Variants in GRB10 observed in about 807,000 individuals in gnomAD.
GRB10 encodes growth factor receptor bound protein 10.
In GRB10, 20 loss-of-function variants were observed where a neutral mutation model predicts 80.9. The observed-to-expected ratio is 0.25, with a 90% CI of 0.17 to 0.36. The LOEUF (loss-of-function observed/expected upper bound fraction) is 0.36. Ranked by LOEUF, GRB10 falls within the 10% of genes least tolerant of loss-of-function variation. GRB10 has a pLI of 1.00. For synonymous variants in GRB10, 291 were observed against 291.5 expected (o/e 1.00, Z 0.02); for missense variants, 548 against 747.7 (o/e 0.73, Z 3.12).
At chr7:50,673,083 A>C (rs987340591) in intron 6 of GRB10, among the ~76,000 whole-genome samples, 18 of 152,236 alleles carry the variant, frequency 1.2e-4, no homozygotes, top group Admixed American at 3.9e-4. Context: ...GGGCTGCGGA[A>C]GACCCAAGAT....
chr7:50,769,376 G>A (rs1232590265), intron 2 of GRB10, among the ~76,000 whole-genome samples: 2 of 152,152 alleles, frequency 1.3e-5, no homozygotes, highest in Non-Finnish European at 2.9e-5. Flanking sequence ...TTCCCAGGAG[G>A]AAAGAGAGTC....
At chr7:50,660,515 G>A (rs1226751639) in intron 7 of GRB10, among the ~76,000 whole-genome samples, 1 of 152,144 alleles carries the variant, frequency 6.6e-6, no homozygotes, top group Non-Finnish European at 1.5e-5. Flanking sequence ...GGAAATGGAA[G>A]TTTCCAGAGA....
rs2052999164 is a variant in GRB10, at chr7:50,626,828, C to T, written c.655G>A (p.Gly219Arg). The change falls in exon 8 of 19, where the codon GGA (glycine) becomes AGA (arginine). Residue 219 changes from glycine (G) to arginine (R), a missense_variant. Physicochemically the swap from Gly to Arg is moderately radical, Grantham distance 125. Coordinates refer to ENST00000401949, the MANE Select transcript of GRB10 (RefSeq NM_001350814.2). The part of the protein sequence containing the change: ...WTLVEHHPHL[G>R]LERCLEDHEL... ...TGTTCTGATGGTTCCCTACCTAATC[C>T]TAGGTGCGGGTGGTGCTCCACTAGT... 2 of 1,614,064 alleles carry T rather than the reference C, an allele frequency of 1.2e-6. No homozygotes were observed. The highest frequency in any genetic ancestry group is 1.7e-6 in the Non-Finnish European group (2 of 1,180,054).
At chr7:50,619,144 C>A in intron 9 of GRB10, 26 bp downstream of exon 9, 1 of 1,375,564 alleles carries the variant, frequency 7.3e-7, no homozygotes, top group Non-Finnish European at 1.0e-6. Context: ...AGTCCCAAAC[C>A]CCAAACCTGA....
rs1366239078 is a variant in GRB10 at position 50,614,702 on chromosome 7, C to A, written c.1095+68G>T. 7 of 938,726 alleles carry A rather than the reference C, an allele frequency of 7.5e-6. No individual in the cohort carries two copies. In the South Asian group the frequency reaches 7.7e-5, roughly 10 times the overall value. 58.1% of individuals were successfully genotyped at this position (938,726 alleles called of 1,614,324 possible). A position where few individuals can be genotyped will look rare whatever the true frequency, so the allele number is the denominator to read the frequency against. ...ATAGAAGCAACAATCAAGTGCTGGG[C>A]AAGAGAAGAAGTCAGTCTCCTGTGG... On this transcript the variant is annotated intron_variant, in intron 12 of 18. Transcript: ENST00000401949.
At chr7:50,602,219 A>G (rs1244222569) in intron 17 of GRB10, among the ~76,000 whole-genome samples, 2 of 152,242 alleles carry the variant, frequency 1.3e-5, no homozygotes, top group African/African-American at 4.8e-5. Flanking sequence ...ATAGGAAGGA[A>G]TTAGAAAATG....
chr7:50,781,596 G>C (rs1351664773), intron 1 of GRB10: 2 of 152,300 alleles, frequency 1.3e-5, no homozygotes, highest in African/African-American at 4.8e-5. Context: ...TGCGGGTTTA[G>C]ACTGCAGTCT....
intron 1 of GRB10, among the ~76,000 whole-genome samples, chr7:50,791,110 C>T (rs1242586824): frequency 2.0e-5 from 3 of 152,188 alleles, no homozygotes; most frequent in Admixed American, 2.0e-4. Flanking sequence ...AGTGGGCCAA[C>T]GCTGCCCCAA....
At chr7:50,624,807 C>T (rs1333044175) in intron 8 of GRB10, among the ~76,000 whole-genome samples, 3 of 151,732 alleles carry the variant, frequency 2.0e-5, no homozygotes, top group Non-Finnish European at 2.9e-5. Flanking sequence ...GTGTGAGGTT[C>T]GTTATTTTTT....
At chr7:50,672,126 T>C (rs1482776493) in intron 6 of GRB10, among the ~76,000 whole-genome samples, 4 of 152,240 alleles carry the variant, frequency 2.6e-5, no homozygotes, top group African/African-American at 9.6e-5. Flanking sequence ...AAAGCCTTCT[T>C]GCCCTTCCCA....
intron 5 of GRB10, among the ~76,000 whole-genome samples, chr7:50,696,596 T>C (rs1178008393): frequency 6.6e-6 from 1 of 152,220 alleles, no homozygotes; most frequent in Admixed American, 6.5e-5. Context: ...AACATCTCTT[T>C]TTCAACCCTT....
chr7:50,678,508 T>C (rs1219753017), intron 5 of GRB10, among the ~76,000 whole-genome samples: 1 of 151,666 alleles, frequency 6.6e-6, no homozygotes, highest in Non-Finnish European at 1.5e-5. Flanking sequence ...AAATGTCCTG[T>C]GGGGTTCATT....
chr7:50,689,302 C>A (rs1563454189), intron 5 of GRB10, among the ~76,000 whole-genome samples: 1 of 152,184 alleles, frequency 6.6e-6, no homozygotes, highest in Non-Finnish European at 1.5e-5. Context: ...AGATTAGAAG[C>A]CTGCTGCAAT....
chr7:50,637,037 C>T (rs902795135), intron 7 of GRB10, among the ~76,000 whole-genome samples: 3 of 152,112 alleles, frequency 2.0e-5, no homozygotes, highest in Admixed American at 6.5e-5. Flanking sequence ...AATGCAGTGG[C>T]GTGATCTCAG....
intron 17 of GRB10, among the ~76,000 whole-genome samples, chr7:50,597,585 G>A (rs991190863): frequency 2.0e-5 from 3 of 152,384 alleles, no homozygotes; most frequent in Middle Eastern, 3.4e-3. Flanking sequence ...CAGATGGGAA[G>A]CTACAGACGA....
intron 4 of GRB10, chr7:50,705,092 C>T (rs2064848280): frequency 2.1e-6 from 2 of 951,876 alleles, no homozygotes; most frequent in South Asian, 4.8e-5. Context: ...TCCTTGCTCA[C>T]GCATGAAATG....
At chr7:50,744,053 G>A (rs887866651) in intron 3 of GRB10, among the ~76,000 whole-genome samples, 3 of 152,096 alleles carry the variant, frequency 2.0e-5, no homozygotes, top group Non-Finnish European at 2.9e-5. Context: ...TTCTCAAGCC[G>A]CATTCACCGA....
intron 7 of GRB10, among the ~76,000 whole-genome samples, chr7:50,646,025 G>C (rs1164745777): frequency 2.0e-5 from 3 of 152,156 alleles, no homozygotes; most frequent in Non-Finnish European, 4.4e-5. Flanking sequence ...TTCTGCTCCA[G>C]CAATGACACT....
chr7:50,769,934 C>G (rs1562669477), intron 2 of GRB10, among the ~76,000 whole-genome samples: 2 of 152,220 alleles, frequency 1.3e-5, no homozygotes, highest in Non-Finnish European at 2.9e-5. Context: ...AGTCTTCCCC[C>G]CAGTAAAGGT....
Sources: allele counts gnomAD v4.1 joint callset (sites outside exome capture counted in the v4.1 genomes callset), GRCh38; gene constraint gnomAD v4.1.1; transcripts MANE v1.5; gene names NCBI Gene and HGNC (gene_info 2026-07-23, HGNC 2026-07-21).